Variants in BLTP1 observed in about 807,000 individuals in gnomAD.
BLTP1 encodes the protein bridge-like lipid transfer protein family member 1, also known as fragile site-associated protein.
chr4:122,296,842 G>T, the BLTP1 span, among the ~76,000 whole-genome samples: 3 of 152,152 alleles, frequency 2.0e-5, no homozygotes, highest in Admixed American at 2.0e-4. Context: ...TTTAATAAAT[G>T]GTGCTGAGAA....
At chr4:122,211,608 A>G in the BLTP1 span, among the ~76,000 whole-genome samples, 1 of 152,200 alleles carries the variant, frequency 6.6e-6, no homozygotes, top group Non-Finnish European at 1.5e-5. Flanking sequence ...ATTTCAGAGT[A>G]TATCAAACTT....
the BLTP1 span, chr4:122,357,026 T>C: frequency 2.0e-6 from 2 of 983,916 alleles, no homozygotes; most frequent in Non-Finnish European, 2.4e-6. Flanking sequence ...TCTTGAAAAA[T>C]AGGAAAATGT....
chr4:122,242,975 G>A, the BLTP1 span: 1 of 1,364,268 alleles, frequency 7.3e-7, no homozygotes, highest in Non-Finnish European at 1.0e-6. Context: ...TAAAAATCTA[G>A]ACTATAGTAT....
the BLTP1 span, chr4:122,244,035 T>A: frequency 6.4e-7 from 1 of 1,570,382 alleles, no homozygotes; most frequent in South Asian, 1.2e-5. Context: ...CAGGTATTGA[T>A]TTTGTCTAGA....
chr4:122,335,472 T>G, the BLTP1 span, among the ~76,000 whole-genome samples: 1 of 152,130 alleles, frequency 6.6e-6, no homozygotes, highest in African/African-American at 2.4e-5. Context: ...TAGACAAGAA[T>G]TATTTGAGAA....
the BLTP1 span, chr4:122,348,838 G>T: frequency 1.5e-6 from 1 of 667,392 alleles, no homozygotes; most frequent in Non-Finnish European, 2.4e-6. Flanking sequence ...GTAGATAAAC[G>T]ATATAAAATG....
chr4:122,212,341 CCAT>C, the BLTP1 span, among the ~76,000 whole-genome samples: 1 of 152,088 alleles, frequency 6.6e-6, no homozygotes, highest in African/African-American at 2.4e-5. Context: ...CTTCTTGTGA[CCAT>C]CGTTTGACCT....
chr4:122,234,549 G>T, the BLTP1 span, among the ~76,000 whole-genome samples: 6 of 149,276 alleles, frequency 4.0e-5, no homozygotes, highest in African/African-American at 7.4e-5. Context: ...TATTATTATT[G>T]ATTCTGCTTA....
the BLTP1 span, chr4:122,301,273 AT>A: frequency 6.7e-7 from 1 of 1,488,712 alleles, no homozygotes; most frequent in African/African-American, 1.4e-5. Context: ...AAAAAAAAAA[AT>A]TGTCCCGAAC....
chr4:122,173,986 T>A, the BLTP1 span, among the ~76,000 whole-genome samples: 4 of 152,176 alleles, frequency 2.6e-5, no homozygotes, highest in Non-Finnish European at 5.9e-5. Flanking sequence ...ATGTTTCATT[T>A]TATGGCCTGC....
the BLTP1 span, chr4:122,353,316 A>G: frequency 1.2e-6 from 1 of 866,422 alleles, no homozygotes; most frequent in Non-Finnish European, 1.4e-6. This position sits in a 1 kb window ranked among gnomAD's most constrained non-coding sequence, Gnocchi z 4.3. Context: ...GGAACATGTT[A>G]ATTTCTGAAC....
At chr4:122,225,786 G>C in the BLTP1 span, 1 of 152,184 alleles carries the variant, frequency 6.6e-6, no homozygotes, top group South Asian at 2.1e-4. Flanking sequence ...TCTTGTAACT[G>C]TCCTCTCCTT....
At chr4:122,318,061 T>C in the BLTP1 span, 1 of 1,366,528 alleles carries the variant, frequency 7.3e-7, no homozygotes, top group African/African-American at 1.5e-5. Context: ...TTTGGTATTC[T>C]GACAAGAATT....
chr4:122,207,047 T>G, the BLTP1 span: 1 of 1,463,206 alleles, frequency 6.8e-7, no homozygotes, highest in Non-Finnish European at 9.3e-7. Flanking sequence ...AGAAAATCTG[T>G]GTTTTACTTT....
At chr4:122,313,989 T>C in the BLTP1 span, 1 of 927,024 alleles carries the variant, frequency 1.1e-6, no homozygotes, top group Non-Finnish European at 1.3e-6. Flanking sequence ...AAGGCACATG[T>C]ACAAAATTAC....
the BLTP1 span, among the ~76,000 whole-genome samples, chr4:122,206,608 G>C: frequency 2.6e-5 from 4 of 151,784 alleles, no homozygotes; most frequent in African/African-American, 9.7e-5. Context: ...TTTGGAAAGA[G>C]TATAAATATC....
At chr4:122,308,930 T>C in the BLTP1 span, among the ~76,000 whole-genome samples, 71 of 152,174 alleles carry the variant, frequency 4.7e-4, 1 homozygote, top group Non-Finnish European at 5.9e-5. Context: ...AACTGAAATA[T>C]AGTAGTTTTT....
At chr4:122,188,266 G>C in the BLTP1 span, 3 of 601,438 alleles carry the variant, frequency 5.0e-6, no homozygotes, top group Non-Finnish European at 6.3e-6. Flanking sequence ...ATGCTATCCA[G>C]TGATAAACTC....
At chr4:122,238,114 GAAAGA>G in the BLTP1 span, 1 of 1,613,822 alleles carries the variant, frequency 6.2e-7, no homozygotes, top group East Asian at 2.2e-5. Flanking sequence ...GCATGAAGAG[GAAAGA>G]ATGGGAAAAC....
Sources: gnomAD v4.1 joint callset for allele counts (sites outside exome capture counted in the v4.1 genomes callset) on GRCh38, gnomAD v4.1.1 for gene constraint, Gnocchi (gnomAD v3.1) non-coding constraint, MANE v1.5 for transcripts, NCBI Gene and HGNC (gene_info 2026-07-23, HGNC 2026-07-21) for gene names.